NBR1: variants seen among roughly 807,000 people sequenced by gnomAD.
The protein encoded by NBR1 is next to BRCA1 gene 1 protein.
Under a neutral mutation model 115.5 loss-of-function variants are expected in NBR1, and 59 were observed. The observed-to-expected ratio is 0.51, with a 90% CI of 0.41 to 0.63. The LOEUF is 0.63. NBR1 is among the 30% of genes least tolerant of loss of function. The probability of loss-of-function intolerance (pLI) is 0.00; values close to 1 mark genes in which losing one functional copy is unlikely to be tolerated. For missense variants in NBR1, 1,043 were observed against 1,150.5 expected, an observed-to-expected ratio of 0.91 and a Z score of 1.35; for synonymous variants, 373 against 414.7, an observed-to-expected ratio of 0.90 and a Z score of 1.22.
chr17:43,204,870 A>C (rs1413116822), intron 20 of NBR1, among the ~76,000 whole-genome samples: 1 of 149,846 alleles, frequency 6.7e-6, no homozygotes, highest in Non-Finnish European at 1.5e-5. Flanking sequence ...TTACTTGGGA[A>C]ACTAAGGTGG....
chr17:43,207,570 T>C (rs2356310), intron 20 of NBR1, among the ~76,000 whole-genome samples: 83,053 of 151,994 alleles, frequency 0.55, 24,455 homozygotes, highest in Non-Finnish European at 0.66. Flanking sequence ...CTGTGTTGCC[T>C]AGGGCAACTA....
intron 11 of NBR1, 28 bp downstream of exon 11, chr17:43,193,281 G>A (rs750061078): frequency 1.2e-6 from 2 of 1,613,564 alleles, no homozygotes; most frequent in Non-Finnish European, 1.7e-6. Flanking sequence ...ATGCAAAGAT[G>A]AGGTGATTTG....
In NBR1 at chr17:43,196,510, C is replaced by T. The variant is rs1276890350; in HGVS notation, c.1780C>T (p.His594Tyr). The change falls in exon 15 of 21, where the codon CAT (histidine) becomes TAT (tyrosine). Residue 594 changes from histidine to tyrosine, a missense_variant. Transcript: ENST00000590996. ...DVTPCMSPLP[H>Y]DSPLIEKPGL... ...GACTCCCTGCATGTCTCCTCTGCCA[C>T]ATGACAGTCCTTTAATAGAGAAGCC... 12 of 1,597,944 alleles carry T rather than the reference C, an allele frequency of 7.5e-6. No homozygotes were observed. The South Asian group carries it at 1.4e-4, about 18-fold the overall frequency.
In NBR1 at chr17:43,175,810, A is replaced by T. The variant is rs1164976431; in HGVS notation, c.11A>T (p.Gln4Leu). The T allele has an allele frequency of 6.3e-7, 1 of 1,583,798 alleles. No individual in the cohort carries two copies. The highest frequency in any genetic ancestry group is 2.2e-5 in the East Asian group (1 of 44,566). The change falls in exon 2 of 21, where the codon CAG becomes CTG. Residue 4 changes from glutamine (Q) to leucine (L), a missense_variant. Gln to Leu is a moderately radical substitution (Grantham distance 113). Coordinates refer to ENST00000590996, the MANE Select transcript of NBR1 (RefSeq NM_005899.5). MEP[Q>L]VTLNVTFKNE... ...CCCTAGCCTCACAGCATGGAACCAC[A>T]GGTTACTCTAAATGTGACTTTTAAA...
At chr17:43,177,236 A>G (rs1247476084) in intron 2 of NBR1, among the ~76,000 whole-genome samples, 30 of 148,822 alleles carry the variant, frequency 2.0e-4, no homozygotes, top group African/African-American at 7.4e-4. Context: ...TCAAGCCACT[A>G]TAATCCAGCC....
intron 8 of NBR1, chr17:43,190,039 C>A: frequency 1.9e-6 from 1 of 536,688 alleles, no homozygotes; most frequent in South Asian, 2.3e-5. Flanking sequence ...ATTATGTTCC[C>A]CTGAACGGAC....
In NBR1 at chr17:43,202,731, C is replaced by T. The variant is rs936581689; in HGVS notation, c.2621+19C>T. The T allele has an allele frequency of 6.4e-7, 1 of 1,555,612 alleles. No individual in the cohort carries two copies. Among genetic ancestry groups the T allele is most frequent in the African/African-American group, 1.4e-5 (1 of 73,652 alleles). ...ACTCAAGGTAACAACCTTGTGCAGT[C>T]TCTTTTTTCAGAAGCAGGTGGATAT... On this transcript the variant is annotated intron_variant, in intron 19 of 20. Transcript: ENST00000590996.
rs377594131 is a variant in NBR1, at chr17:43,190,680, T to C, written c.767T>C (p.Leu256Pro). 1 of 1,613,822 alleles carries C rather than the reference T, an allele frequency of 6.2e-7. No homozygotes were observed. Among genetic ancestry groups the C allele is most frequent in the South Asian group, 1.1e-5 (1 of 91,002 alleles). ...GPYGHDTNHV[L>P]LKLRRPVVGS... ...TATGGCCATGACACTAACCACGTCC[T>C]GCTGAAGTTGCGGAGACCTGTTGTG... is the stretch of plus-strand genomic sequence containing the variant. The change falls in exon 9 of 21, where the codon CTG becomes CCG. Residue 256 changes from leucine (L) to proline (P), a missense_variant. By Grantham distance (98) the Leu-to-Pro change is moderately conservative (BLOSUM62 -3). Coordinates refer to ENST00000590996, the MANE Select transcript of NBR1 (RefSeq NM_005899.5).
chr17:43,192,834 A>C (rs2056980506), intron 10 of NBR1, among the ~76,000 whole-genome samples: 9 of 152,212 alleles, frequency 5.9e-5, no homozygotes, highest in Admixed American at 5.9e-4. Flanking sequence ...TTGTATTTAT[A>C]GGCCCTTTTA....
chr17:43,190,757 G>A lies in NBR1; in HGVS notation c.844G>A (p.Ala282Thr), dbSNP rs943195933. The change falls in exon 9 of 21, where the codon GCT becomes ACT. Residue 282 changes from alanine to threonine, a missense_variant. Coordinates refer to ENST00000590996, the MANE Select transcript of NBR1 (RefSeq NM_005899.5). ...HSKYSTPRLPAALEQVRLQKQ... is the reference protein window; with the variant it reads ...HSKYSTPRLPTALEQVRLQKQ... ...AAAGTACTCTACTCCTCGTCTTCCTGCTGCTCTGGAACAAGTCAGGTAAAA... is the reference window on the plus strand; with the variant it reads ...AAAGTACTCTACTCCTCGTCTTCCTACTGCTCTGGAACAAGTCAGGTAAAA... 3 of 1,606,512 alleles carry A rather than the reference G, an allele frequency of 1.9e-6. No individual in the cohort carries two copies. The highest frequency in any genetic ancestry group is 2.6e-6 in the Non-Finnish European group (3 of 1,175,036).
Position 43,182,022 on chromosome 17 carries a change from C to CT in NBR1, c.207+1215dup, listed in dbSNP as rs566266858. ...AACCCAAAAAACTCTTGATGCCCCC[C>CT]TTTTTTTTTTCCTAAAGAGGCTGGG... On this transcript the variant is annotated intron_variant, in intron 5 of 20. Coordinates refer to ENST00000590996, the MANE Select transcript of NBR1 (RefSeq NM_005899.5). Among the ~76,000 whole-genome samples the CT allele has an allele frequency of 3.0e-3, 440 of 147,882 alleles. 11 individuals carry two copies. Among genetic ancestry groups the CT allele is most frequent in the South Asian group, 0.027 (126 of 4,674 alleles).
At chr17:43,185,582 T>C (rs2056780975) in intron 5 of NBR1, among the ~76,000 whole-genome samples, 1 of 152,010 alleles carries the variant, frequency 6.6e-6, no homozygotes, top group Admixed American at 6.6e-5. Context: ...GCGCCTGTAA[T>C]CCCAGCTACC....
chr17:43,202,678 G>A lies in NBR1; in HGVS notation c.2587G>A (p.Val863Ile). Residue 863 changes from valine (V) to isoleucine (I), a missense_variant, in exon 19 of 21, where the codon GTA (valine) becomes ATA (isoleucine). Physicochemically the swap from Val to Ile is conservative, Grantham distance 29. Transcript: ENST00000590996. ...RGEPRGSSGL[V>I]NSRQKSYDHS... Reference sequence around the variant, plus strand: ...AGAGCCCAGAGGCTCATCAGGACTTGTAAACAGCAGACAGAAGAGCTATGA... The same window carrying A: ...AGAGCCCAGAGGCTCATCAGGACTTATAAACAGCAGACAGAAGAGCTATGA... 3.8e-6 allele frequency: 6 copies of A among 1,577,930 alleles called. No homozygotes were observed. The highest frequency in any genetic ancestry group is 5.2e-6 in the Non-Finnish European group (6 of 1,160,344).
intron 5 of NBR1, among the ~76,000 whole-genome samples, chr17:43,181,545 A>T (rs2056664360): frequency 6.6e-6 from 1 of 152,040 alleles, no homozygotes; most frequent in Non-Finnish European, 1.5e-5. Flanking sequence ...GGGTGCCTGT[A>T]GTCCCAGCTA....
intron 14 of NBR1, chr17:43,195,248 A>G: frequency 3.7e-6 from 2 of 540,370 alleles, no homozygotes; most frequent in Non-Finnish European, 6.5e-6. Flanking sequence ...CGTGTCTATA[A>G]TCCCAGCTCT....
chr17:43,209,926 C>G lies in NBR1; in HGVS notation c.2753C>G (p.Ala918Gly). 6.3e-7 allele frequency: 1 copy of G among 1,586,650 alleles called. No homozygotes were observed. The highest frequency in any genetic ancestry group is 8.6e-7 in the Non-Finnish European group (1 of 1,166,826). Reference protein sequence around the residue: ...AQPIISEDQTAALMAHLFEMG... With the variant: ...AQPIISEDQTGALMAHLFEMG... ...CCAATAATTTCTGAAGATCAGACAG[C>G]AGCCCTGATGGCCCATCTCTTTGAA... The change falls in exon 21 of 21, where the codon GCA becomes GGA. Residue 918 changes from alanine to glycine, a missense_variant. By Grantham distance (60) the Ala-to-Gly change is moderately conservative (BLOSUM62 0). Transcript: ENST00000590996.
intron 4 of NBR1, among the ~76,000 whole-genome samples, chr17:43,179,799 C>T (rs12936831): frequency 0.3 from 46,259 of 152,062 alleles, 7,601 homozygotes; most frequent in South Asian, 0.49. Flanking sequence ...GCTTGGAGTG[C>T]ATTTTCCCAT....
At chr17:43,189,835 A>G in intron 8 of NBR1, 33 bp downstream of exon 8, 1 of 1,584,834 alleles carries the variant, frequency 6.3e-7, no homozygotes, top group South Asian at 1.1e-5. Context: ...CTAGCTAGTG[A>G]TAGACCTTAC....
Position 43,191,493 on chromosome 17 carries a change from A to G in NBR1, c.985A>G (p.Ile329Val). 2 of 1,613,338 alleles carry G rather than the reference A, an allele frequency of 1.2e-6. No individual in the cohort carries two copies. Among genetic ancestry groups the G allele is most frequent in the Non-Finnish European group, 1.7e-6 (2 of 1,179,622 alleles). Residue 329 changes from isoleucine (I) to valine (V), a missense_variant, in exon 10 of 21, where the codon ATT becomes GTT. Ile to Val is a conservative substitution (Grantham distance 29). Transcript: ENST00000590996. Reference sequence around the variant, plus strand: ...AAAGCAGCTTAAACTCCATAGGAAAATTCACCTGTGGAATTCAATCCATGG... The same window carrying G: ...AAAGCAGCTTAAACTCCATAGGAAAGTTCACCTGTGGAATTCAATCCATGG... ...LKKQLKLHRK[I>V]HLWNSIHGLQ...
Sources: allele counts gnomAD v4.1 joint callset (sites outside exome capture counted in the v4.1 genomes callset), GRCh38; gene constraint gnomAD v4.1.1; transcripts MANE v1.5; gene names NCBI Gene and HGNC (gene_info 2026-07-23, HGNC 2026-07-21).